The following NLRP12 variants were observed in gnomAD, a reference collection of about 807,000 sequenced individuals.
NLRP12 encodes the protein NLR family pyrin domain containing 12.
Under a neutral mutation model 91.2 loss-of-function variants are expected in NLRP12, and 108 were observed. The observed-to-expected ratio is 1.18, with a 90% CI of 1.01 to 1.39. The LOEUF (loss-of-function observed/expected upper bound fraction) is 1.39. Among genes scored for constraint, NLRP12 ranks in the 40% most tolerant of loss-of-function variants. NLRP12 has a pLI of 0.00. For missense variants in NLRP12, 1,530 were observed against 1,352.7 expected (o/e 1.13, Z -2.06); for synonymous variants, 613 against 566.7 (o/e 1.08, Z -1.16).
rs1568678378 is a variant in NLRP12 at position 53,810,089 on chromosome 19, T to C, written c.1570A>G (p.Met524Val). Residue 524 changes from methionine (M) to valine (V), a missense_variant, in exon 3 of 10, where the codon ATG (methionine) becomes GTG (valine). Met to Val is a conservative substitution (Grantham distance 21). Transcript: ENST00000324134. ...TCCCCCTCGTCCAGGATATAGTACATAGCTGCAAAGAATTCCTGGAAACTC... is the reference window on the plus strand; with the variant it reads ...TCCCCCTCGTCCAGGATATAGTACACAGCTGCAAAGAATTCCTGGAAACTC... ...HLSFQEFFAAMYYILDEGEGG... is the reference protein window; with the variant it reads ...HLSFQEFFAAVYYILDEGEGG... 6.2e-7 allele frequency: 1 copy of C among 1,614,140 alleles called. No individual in the cohort carries two copies. The highest frequency in any genetic ancestry group is 8.5e-7 in the Non-Finnish European group (1 of 1,180,010).
chr19:53,809,444 T>G, intron 3 of NLRP12, 143 bp downstream of exon 3: 1 of 784,796 alleles, frequency 1.3e-6, no homozygotes, highest in Non-Finnish European at 2.0e-6. Flanking sequence ...AGCAGGAGAA[T>G]CTCTTGAACC....
intron 3 of NLRP12, 71 bp from the exon 4 acceptor site, chr19:53,807,736 T>G: frequency 4.5e-6 from 7 of 1,552,728 alleles, no homozygotes; most frequent in Non-Finnish European, 6.2e-6. Flanking sequence ...TGCATGTCAT[T>G]TCACCGTTTA....
In NLRP12 at chr19:53,800,341, C is replaced by T. The variant is rs569874235; in HGVS notation, c.2756+886G>A. Among the ~76,000 whole-genome samples the T allele has an allele frequency of 6.6e-5, 10 of 152,114 alleles. No homozygotes were observed. The East Asian group carries it at 1.5e-3, about 24-fold the overall frequency. ...AAAATTAGCCATCTGTGGTGGCATG[C>T]GCTTGCAGTCCCAGCTACTCAGGAG... On this transcript the variant is annotated intron_variant, in intron 7 of 9. Coordinates refer to ENST00000324134, the MANE Select transcript of NLRP12 (RefSeq NM_144687.4).
At position 53,811,048 on chromosome 19, in the gene NLRP12, T is replaced by G. The variant is rs1239462445; in HGVS notation, c.611A>C (p.Glu204Ala). 1 of 1,612,708 alleles carries G rather than the reference T, an allele frequency of 6.2e-7. No homozygotes were observed. Among genetic ancestry groups the G allele is most frequent in the South Asian group, 1.1e-5 (1 of 91,058 alleles). The change falls in exon 3 of 10, where the codon GAG becomes GCG. Residue 204 changes from glutamate to alanine, a missense_variant. Physicochemically the swap from Glu to Ala is moderately radical, Grantham distance 107. Transcript: ENST00000324134. ...IKIETLFEPD[E>A]ERPEPPRTVV... ...GGTGCGCGGTGGCTCGGGGCGCTCC[T>G]CGTCTGGCTCAAAGAGGGTCTCTAT...
chr19:53,815,049 T>C (rs2092136217), intron 1 of NLRP12, 61 bp from the exon 2 acceptor site: 2 of 1,237,936 alleles, frequency 1.6e-6, no homozygotes. Context: ...CCGCGTCATA[T>C]TAGCTGCGAT....
intron 7 of NLRP12, among the ~76,000 whole-genome samples, chr19:53,800,597 T>A (rs1187819655): frequency 6.6e-6 from 1 of 152,002 alleles, no homozygotes; most frequent in African/African-American, 2.4e-5. Context: ...CTTTTTTTTT[T>A]TTGAGACGGA....
rs771450335 is a variant in NLRP12, at chr19:53,811,065, G to A, written c.594C>T (p.Thr198=). 5.0e-6 allele frequency: 8 copies of A among 1,612,538 alleles called. No homozygotes were observed. The highest frequency in any genetic ancestry group is 6.8e-6 in the Non-Finnish European group (8 of 1,178,854). Residue 198 remains threonine, a synonymous_variant, in exon 3 of 10, where the codon ACC becomes ACT. Coordinates refer to ENST00000324134, the MANE Select transcript of NLRP12 (RefSeq NM_144687.4). ...GHQASPIKIE[T]LFEPDEERPE... ...GGCGCTCCTCGTCTGGCTCAAAGAG[G>A]GTCTCTATCTTGATGGGGCTAGCCT...
In NLRP12 at chr19:53,810,701, TG is replaced by T. The variant is rs1248333537; in HGVS notation, c.957del (p.Thr320ArgfsTer8). On this transcript the variant is annotated frameshift_variant, in exon 3 of 10. Transcript: ENST00000324134. LOFTEE classifies it high-confidence loss of function. Reference protein sequence around the residue: ...PWCLCWEEKRPTELLLNSLIR... With the variant: ...PWCLCWEEKRXTELLLNSLIR... ...ATTAAGCTGTTAAGAAGCAGCTCCG[TG>T]GGCCGTTTCTCCTCCCAGCAGAGGC... is the stretch of plus-strand genomic sequence containing the variant. The T allele has an allele frequency of 1.2e-6, 2 of 1,613,860 alleles. No homozygotes were observed. The highest frequency in any genetic ancestry group is 1.7e-6 in the Non-Finnish European group (2 of 1,180,022).
intron 1 of NLRP12, among the ~76,000 whole-genome samples, chr19:53,823,651 T>C (rs1395649344): frequency 1.3e-5 from 2 of 151,234 alleles, no homozygotes; most frequent in Non-Finnish European, 2.9e-5. Flanking sequence ...TGGTCTCAAG[T>C]GATCCTCCCA....
chr19:53,811,204 T>C lies in NLRP12; in HGVS notation c.455A>G (p.Asn152Ser). 6.2e-7 allele frequency: 1 copy of C among 1,613,974 alleles called. No homozygotes were observed. The highest frequency in any genetic ancestry group is 8.5e-7 in the Non-Finnish European group (1 of 1,179,998). Residue 152 changes from asparagine (N) to serine (S), a missense_variant, in exon 3 of 10, where the codon AAC becomes AGC. By Grantham distance (46) the Asn-to-Ser change is conservative (BLOSUM62 1). Coordinates refer to ENST00000324134, the MANE Select transcript of NLRP12 (RefSeq NM_144687.4). Reference protein sequence around the residue: ...DRNARLGECVNLSHRYTRLLL... With the variant: ...DRNARLGECVSLSHRYTRLLL... ...GAGCCGGGTGTACCGGTGGCTGAGG[T>C]TGACACATTCCCCTAGGCGCGCATT...
Position 53,807,510 on chromosome 19 carries a change from T to C in NLRP12, c.2228A>G (p.Lys743Arg), listed in dbSNP as rs1600700129. 5.6e-6 allele frequency: 9 copies of C among 1,613,996 alleles called. No homozygotes were observed. The highest frequency in any genetic ancestry group is 7.6e-6 in the Non-Finnish European group (9 of 1,179,952). ...CTGCACTCACCTCAGGTTCTGAAGT[T>C]TGCAGTTGGGGTGTCTGAGTCCTTG... ...LCQGLRHPNC[K>R]LQNLRLKRCR... is the part of the protein sequence containing the mutation. The change falls in exon 4 of 10, where the codon AAA (lysine) becomes AGA (arginine). Residue 743 changes from lysine to arginine, a missense_variant. Transcript: ENST00000324134.
At chr19:53,816,249 C>T (rs1337753787) in intron 1 of NLRP12, among the ~76,000 whole-genome samples, 2 of 152,110 alleles carry the variant, frequency 1.3e-5, no homozygotes, top group African/African-American at 4.8e-5. Flanking sequence ...GGCACCCCAT[C>T]TGGTCCTCAC....
chr19:53,806,889 G>A (rs927288708), intron 4 of NLRP12, among the ~76,000 whole-genome samples: 32 of 148,486 alleles, frequency 2.2e-4, no homozygotes, highest in Non-Finnish European at 3.0e-5. Context: ...GTAAAAAAAA[G>A]AAAAAAATTT....
intron 4 of NLRP12, 71 bp downstream of exon 4, chr19:53,807,424 C>T (rs1345672330): frequency 2.7e-6 from 4 of 1,470,730 alleles, no homozygotes; most frequent in African/African-American, 1.4e-5. Flanking sequence ...CGTGATAGAA[C>T]CTTTGTGACT....
chr19:53,813,249 C>T (rs1014260059), intron 2 of NLRP12, among the ~76,000 whole-genome samples: 1 of 147,422 alleles, frequency 6.8e-6, no homozygotes, highest in African/African-American at 2.5e-5. Flanking sequence ...AATATTAACT[C>T]ATAATTTCTC....
Position 53,811,101 on chromosome 19 carries a change from G to T in NLRP12, c.558C>A (p.Thr186=). The part of the protein sequence containing the change: ...LLDTGRGHAR[T]VGHQASPIKI... The stretch of plus-strand genomic sequence containing the variant: ...TGATGGGGCTAGCCTGGTGTCCCAC[G>T]GTCCTCGCGTGTCCCCGGCCTGTGT... Residue 186 remains threonine, a synonymous_variant, in exon 3 of 10, where the codon ACC becomes ACA. Transcript: ENST00000324134. 6.2e-7 allele frequency: 1 copy of T among 1,613,886 alleles called. No individual in the cohort carries two copies.
chr19:53,810,522 G>T lies in NLRP12; in HGVS notation c.1137C>A (p.His379Gln), dbSNP rs139174111. 15 of 1,614,020 alleles carry T rather than the reference G, an allele frequency of 9.3e-6. No individual in the cohort carries two copies. The East Asian group carries it at 3.1e-4, about 34-fold the overall frequency. The change falls in exon 3 of 10, where the codon CAC becomes CAA. Residue 379 changes from histidine (H) to glutamine (Q), a missense_variant. Transcript: ENST00000324134. ...AGACTTGGCCCGCCTGCTCTGCATTGTGGAAATACTTGTAGAAGTATTCCT... is the reference window on the plus strand; with the variant it reads ...AGACTTGGCCCGCCTGCTCTGCATTTTGGAAATACTTGTAGAAGTATTCCT... ...ERKEYFYKYF[H>Q]NAEQAGQVFN...
At position 53,810,279 on chromosome 19, in the gene NLRP12, C is replaced by A; in HGVS notation, c.1380G>T (p.Gly460=). 6.2e-7 allele frequency: 1 copy of A among 1,614,082 alleles called. No individual in the cohort carries two copies. The highest frequency in any genetic ancestry group is 1.1e-5 in the South Asian group (1 of 91,088). ...GCCCATCTGCCGCCAAGGAGCACAA[C>A]CCTCTCTGGTTGGGTGGGGGCTGGA... The part of the protein sequence containing the change: ...PRLQPPPNQR[G]LCSLAADGLW... The change falls in exon 3 of 10, where the codon GGG becomes GGT. Residue 460 remains glycine, a synonymous_variant. Coordinates refer to ENST00000324134, the MANE Select transcript of NLRP12 (RefSeq NM_144687.4).
At chr19:53,818,671 AT>A (rs1366848586) in intron 1 of NLRP12, among the ~76,000 whole-genome samples, 22 of 152,054 alleles carry the variant, frequency 1.4e-4, no homozygotes, top group African/African-American at 5.3e-4. Context: ...TCTCAAAAAA[AT>A]AAATAAATAA....
Sources: allele counts gnomAD v4.1 joint callset (sites outside exome capture counted in the v4.1 genomes callset), GRCh38; gene constraint gnomAD v4.1.1; transcripts MANE v1.5; gene names NCBI Gene and HGNC (gene_info 2026-07-23, HGNC 2026-07-21).